Variants in DPP6 observed in about 807,000 individuals in gnomAD.
The protein encoded by DPP6 is dipeptidyl peptidase like 6.
DPP6 carries 69 observed loss-of-function variants against 122.6 expected under a neutral mutation model. The ratio of observed to expected loss-of-function variants is 0.56; its 90% CI spans 0.46 to 0.69. The LOEUF is 0.69. DPP6 is among the 30% of genes least tolerant of loss of function. DPP6 has a pLI of 0.00. For synonymous variants in DPP6, 418 were observed against 433.1 expected (o/e 0.97, Z 0.43); for missense variants, 928 against 1,116.9 (o/e 0.83, Z 2.41).
chr7:154,544,352 A>G (rs1438202802), intron 4 of DPP6, among the ~76,000 whole-genome samples: 1 of 152,130 alleles, frequency 6.6e-6, no homozygotes, highest in Non-Finnish European at 1.5e-5. Flanking sequence ...TCCCCAAAGC[A>G]CAAGTGCATC....
chr7:153,805,284 T>G, the DPP6 span, among the ~76,000 whole-genome samples: 3 of 152,224 alleles, frequency 2.0e-5, no homozygotes, highest in African/African-American at 7.2e-5. Context: ...TGATGTATTT[T>G]GTTGTTTATA....
At chr7:153,978,113 C>T (rs1227330577) in intron 1 of DPP6, among the ~76,000 whole-genome samples, 1 of 152,162 alleles carries the variant, frequency 6.6e-6, no homozygotes, top group Non-Finnish European at 1.5e-5. Flanking sequence ...GTTCTAGATC[C>T]TTAAGGAACC....
At chr7:154,511,502 C>A (rs774601708) in intron 3 of DPP6, among the ~76,000 whole-genome samples, 1 of 152,044 alleles carries the variant, frequency 6.6e-6, no homozygotes, top group East Asian at 1.9e-4. Flanking sequence ...ATTCCTAAGG[C>A]GTACTAGTTG....
intron 1 of DPP6, among the ~76,000 whole-genome samples, chr7:153,963,048 T>C (rs919621830): frequency 6.6e-6 from 1 of 152,212 alleles, no homozygotes; most frequent in African/African-American, 2.4e-5. Flanking sequence ...GGGTTTGTAC[T>C]ATTTTCTATA....
intron 1 of DPP6, among the ~76,000 whole-genome samples, chr7:153,930,335 G>T (rs950842931): frequency 3.3e-5 from 5 of 152,160 alleles, no homozygotes; most frequent in Admixed American, 6.5e-5. Flanking sequence ...TTCTCTCAGT[G>T]TGTAGTCAGG....
rs112170192 is a variant in DPP6, at chr7:154,604,249, C to T, written c.628-33572C>T. ...TATCATAATCTTGGCCATGTATGCA[C>T]GATCCTTTTCTCGTCTTTCTCTTCT... On this transcript the variant is annotated intron_variant, in intron 5 of 25. Coordinates refer to ENST00000377770, the MANE Select transcript of DPP6 (RefSeq NM_130797.4). Among the ~76,000 whole-genome samples, 4,805 of 119,534 alleles carry T rather than the reference C, an allele frequency of 0.04. 1,512 individuals carry two copies. The East Asian group carries it at 0.54, about 14-fold the overall frequency. The allele number at this position is 119,534 out of a possible 152,430, so 78.4% of individuals were successfully genotyped here.
intron 1 of DPP6, among the ~76,000 whole-genome samples, chr7:154,347,354 G>C (rs1378324654): frequency 2.0e-5 from 3 of 152,222 alleles, no homozygotes; most frequent in African/African-American, 7.2e-5. Context: ...GTTTTAGACA[G>C]AAGTGAGTTT....
rs564329624 is a variant in DPP6 at position 154,831,316 on chromosome 7, A to G, written c.1667-22464A>G. On this transcript the variant is annotated intron_variant, in intron 16 of 25. Coordinates refer to ENST00000377770, the MANE Select transcript of DPP6 (RefSeq NM_130797.4). ...ATCTTCAATCACCGGTTGACCACACAGGCCACAGTGCTGTGGTAGAGACCC... is the reference window on the plus strand; with the variant it reads ...ATCTTCAATCACCGGTTGACCACACGGGCCACAGTGCTGTGGTAGAGACCC... Among the ~76,000 whole-genome samples the G allele has an allele frequency of 5.3e-5, 8 of 152,344 alleles. No homozygotes were observed. In the East Asian group the frequency reaches 1.5e-3, roughly 29 times the overall value.
chr7:154,060,160 C>G (rs1386242630), intron 1 of DPP6, among the ~76,000 whole-genome samples: 178 of 148,568 alleles, frequency 1.2e-3, no homozygotes, highest in African/African-American at 4.2e-3. Context: ...CTTTGCACCC[C>G]CATCGCAGGG....
chr7:154,802,114 C>T (rs1042801074), intron 13 of DPP6, among the ~76,000 whole-genome samples: 1 of 152,056 alleles, frequency 6.6e-6, no homozygotes, highest in Non-Finnish European at 1.5e-5. Flanking sequence ...CTTTGGGGGA[C>T]TCTGCCCTGA....
intron 1 of DPP6, among the ~76,000 whole-genome samples, chr7:154,320,144 A>G (rs560610036): frequency 4.6e-5 from 7 of 152,146 alleles, no homozygotes; most frequent in African/African-American, 1.7e-4. Context: ...TATCTCAAAA[A>G]TCTATTATTC....
intron 1 of DPP6, among the ~76,000 whole-genome samples, chr7:154,104,833 A>G (rs559537576): frequency 6.6e-6 from 1 of 152,208 alleles, no homozygotes; most frequent in East Asian, 1.9e-4. Context: ...GTGTAAGATC[A>G]GGTTTGAGGC....
At chr7:154,527,840 T>G (rs1260014221) in intron 3 of DPP6, among the ~76,000 whole-genome samples, 1 of 152,204 alleles carries the variant, frequency 6.6e-6, no homozygotes, top group Non-Finnish European at 1.5e-5. Context: ...CGCATGGTCT[T>G]CAAAAGCCTT....
chr7:154,866,983 CT>C (rs11409452), intron 17 of DPP6, among the ~76,000 whole-genome samples: 309 of 140,276 alleles, frequency 2.2e-3, no homozygotes, highest in Admixed American at 2.7e-3. Flanking sequence ...TGCAGAGCAG[CT>C]TTTTTTTTTT....
At chr7:154,388,605 G>C (rs74615285) in intron 1 of DPP6, among the ~76,000 whole-genome samples, 5,123 of 152,206 alleles carry the variant, frequency 0.034, 120 homozygotes, top group Non-Finnish European at 0.052. Context: ...GCCAGGGTCT[G>C]CTGGGGAGAA....
At chr7:154,185,525 G>T (rs1798311499) in intron 1 of DPP6, among the ~76,000 whole-genome samples, 1 of 152,132 alleles carries the variant, frequency 6.6e-6, no homozygotes. Flanking sequence ...GTAATGCAGG[G>T]CTGGAATAAC....
chr7:153,808,391 G>C, the DPP6 span, among the ~76,000 whole-genome samples: 90 of 151,370 alleles, frequency 5.9e-4, 1 homozygote, highest in African/African-American at 2.1e-3. Flanking sequence ...GTGTGCGTGT[G>C]TGCCTGTGTG....
intron 1 of DPP6, among the ~76,000 whole-genome samples, chr7:154,366,566 G>A (rs922864330): frequency 2.0e-5 from 3 of 152,192 alleles, no homozygotes; most frequent in Admixed American, 6.5e-5. Context: ...TCACTGGTCC[G>A]CGGCAGGATT....
chr7:154,649,269 T>C (rs552646281), intron 6 of DPP6, among the ~76,000 whole-genome samples: 3 of 152,348 alleles, frequency 2.0e-5, no homozygotes, highest in South Asian at 4.1e-4. Flanking sequence ...TCATAATTTG[T>C]TTCTTCATTC....
Sources: gnomAD v4.1 joint callset for allele counts (sites outside exome capture counted in the v4.1 genomes callset) on GRCh38, gnomAD v4.1.1 for gene constraint, MANE v1.5 for transcripts, NCBI Gene and HGNC (gene_info 2026-07-23, HGNC 2026-07-21) for gene names.